TSNARE1: variants seen among roughly 807,000 people sequenced by gnomAD.
TSNARE1 encodes the protein t-SNARE domain containing 1.
In TSNARE1, 49 loss-of-function variants were observed where a neutral mutation model predicts 62.0. The ratio of observed to expected loss-of-function variants is 0.79; its 90% CI spans 0.63 to 1.00. The LOEUF is 1.00. TSNARE1 is among the 50% of genes least tolerant of loss of function. The pLI is 0.00. For missense variants in TSNARE1, 755 were observed against 700.1 expected, an observed-to-expected ratio of 1.08 and a Z score of -0.88; for synonymous variants, 328 against 294.4, an observed-to-expected ratio of 1.11 and a Z score of -1.17.
At chr8:142,265,820 C>T (rs991481622) in intron 12 of TSNARE1, among the ~76,000 whole-genome samples, 1 of 152,356 alleles carries the variant, frequency 6.6e-6, no homozygotes, top group Non-Finnish European at 1.5e-5. Context: ...CTCATGGCTA[C>T]TGCTGTGGGG....
chr8:142,374,030 G>A (rs1284623365), intron 1 of TSNARE1, among the ~76,000 whole-genome samples: 2 of 152,180 alleles, frequency 1.3e-5, no homozygotes, highest in East Asian at 1.9e-4. Flanking sequence ...CAGGCCAGGC[G>A]ACATGGCTCA....
chr8:142,353,880 T>TCACTCCCCAGCA (rs1468107976), intron 2 of TSNARE1, among the ~76,000 whole-genome samples: 1 of 98,238 alleles, frequency 1.0e-5, no homozygotes, highest in Admixed American at 1.0e-4. Context: ...GCTGTTAGGC[T>TCACTCCCCAGCA]GAGCCCGAGG....
At chr8:142,295,654 T>G (rs1824557049) in intron 10 of TSNARE1, among the ~76,000 whole-genome samples, 1 of 152,170 alleles carries the variant, frequency 6.6e-6, no homozygotes, top group Non-Finnish European at 1.5e-5. Context: ...CAGAGGAACT[T>G]TAGTGTATTT....
At chr8:142,251,137 G>A (rs1818140656) in intron 12 of TSNARE1, among the ~76,000 whole-genome samples, 1 of 152,140 alleles carries the variant, frequency 6.6e-6, no homozygotes, top group Non-Finnish European at 1.5e-5. Flanking sequence ...GCAGGCAAGT[G>A]AGGAGTTCCA....
chr8:142,341,973 TC>T (rs1832646116), intron 4 of TSNARE1, among the ~76,000 whole-genome samples: 3 of 152,210 alleles, frequency 2.0e-5, no homozygotes, highest in Non-Finnish European at 4.4e-5. Flanking sequence ...GTCACCCCAG[TC>T]CCAGGCCCTG....
intron 1 of TSNARE1, among the ~76,000 whole-genome samples, chr8:142,379,905 A>T (rs1836609848): frequency 6.6e-6 from 1 of 152,178 alleles, no homozygotes; most frequent in Non-Finnish European, 1.5e-5. Context: ...GTGGTCCCTG[A>T]GGGAAAGGAA....
intron 5 of TSNARE1, 81 bp from the exon 6 acceptor site, chr8:142,331,051 A>G (rs1301270694): frequency 7.6e-7 from 1 of 1,318,618 alleles, no homozygotes; most frequent in Non-Finnish European, 1.1e-6. Context: ...GCCCCACTGC[A>G]GCCCGGGCAG....
intron 1 of TSNARE1, among the ~76,000 whole-genome samples, chr8:142,363,501 G>A (rs1357248780): frequency 6.6e-6 from 1 of 152,130 alleles, no homozygotes; most frequent in East Asian, 1.9e-4. Context: ...GCCACCCGGG[G>A]CTTCTCACCA....
At chr8:142,285,468 G>C (rs1822570670) in intron 10 of TSNARE1, among the ~76,000 whole-genome samples, 2 of 149,238 alleles carry the variant, frequency 1.3e-5, no homozygotes, top group African/African-American at 5.0e-5. Flanking sequence ...TGGATGGATG[G>C]GTGCATGGGT....
chr8:142,382,165 CAGAG>C (rs1444704844), intron 1 of TSNARE1, among the ~76,000 whole-genome samples: 3 of 151,892 alleles, frequency 2.0e-5, no homozygotes, highest in Non-Finnish European at 4.4e-5. Context: ...ATGTGTGCGA[CAGAG>C]AGCCAGAGGA....
At chr8:142,279,932 C>T in intron 11 of TSNARE1, 3 of 1,079,394 alleles carry the variant, frequency 2.8e-6, no homozygotes, top group Non-Finnish European at 3.4e-6. Flanking sequence ...ACCATGCGCT[C>T]CACAGGTGTG....
chr8:142,301,183 G>A (rs1269549022), intron 9 of TSNARE1, among the ~76,000 whole-genome samples: 13 of 118,028 alleles, frequency 1.1e-4, no homozygotes, highest in African/African-American at 1.6e-4. Flanking sequence ...CCATGCCAGC[G>A]GGCCTTCCTT....
chr8:142,294,440 G>A (rs909691761), intron 10 of TSNARE1, among the ~76,000 whole-genome samples: 5 of 152,230 alleles, frequency 3.3e-5, no homozygotes, highest in African/African-American at 1.2e-4. Context: ...CCAACCATCT[G>A]GCAGGAGTCG....
intron 12 of TSNARE1, among the ~76,000 whole-genome samples, chr8:142,272,201 C>G (rs1819644492): frequency 6.6e-6 from 1 of 152,046 alleles, no homozygotes; most frequent in African/African-American, 2.4e-5. Flanking sequence ...TCTGTCCATC[C>G]ACCCAGCCAC....
At chr8:142,368,576 A>G (rs1324058835) in intron 1 of TSNARE1, among the ~76,000 whole-genome samples, 1 of 152,164 alleles carries the variant, frequency 6.6e-6, no homozygotes, top group Non-Finnish European at 1.5e-5. Flanking sequence ...CAGAGAAAGG[A>G]CGGGAGACCC....
intron 11 of TSNARE1, among the ~76,000 whole-genome samples, chr8:142,280,625 T>C (rs1486463835): frequency 1.3e-5 from 2 of 152,136 alleles, no homozygotes; most frequent in Admixed American, 1.3e-4. Flanking sequence ...ACTGCTGGCA[T>C]GAGTGCCCCT....
chr8:142,352,815 G>A (rs576438063), intron 2 of TSNARE1, among the ~76,000 whole-genome samples: 6 of 152,304 alleles, frequency 3.9e-5, no homozygotes, highest in Admixed American at 6.5e-5. Flanking sequence ...GAGCAAGGAC[G>A]AAGGAGGCAG....
chr8:142,231,858 C>T (rs1044525059), intron 12 of TSNARE1, among the ~76,000 whole-genome samples: 16 of 152,206 alleles, frequency 1.1e-4, no homozygotes, highest in African/African-American at 3.4e-4. Flanking sequence ...GACTCCACAC[C>T]CTGCCCCATA....
intron 1 of TSNARE1, among the ~76,000 whole-genome samples, chr8:142,384,103 G>A (rs189741356): frequency 1.3e-5 from 2 of 152,254 alleles, no homozygotes; most frequent in East Asian, 1.9e-4. Context: ...CAACAGAACC[G>A]GGTGAGAAGG....
Sources: allele counts gnomAD v4.1 joint callset (sites outside exome capture counted in the v4.1 genomes callset), GRCh38; gene constraint gnomAD v4.1.1; transcripts MANE v1.5; gene names NCBI Gene and HGNC (gene_info 2026-07-23, HGNC 2026-07-21).